Variants in FRMD6 observed in about 807,000 individuals in gnomAD.
FRMD6 encodes FERM domain containing 6, also known as FERM domain-containing protein 6.
FRMD6 carries 37 observed loss-of-function variants against 73.2 expected under a neutral mutation model. The ratio of observed to expected loss-of-function variants is 0.51; its 90% CI spans 0.39 to 0.66. FRMD6 has a LOEUF of 0.66. Ranked by LOEUF, FRMD6 falls within the 30% of genes least tolerant of loss-of-function variation. The pLI, the probability that FRMD6 is intolerant of heterozygous loss-of-function variation, is 0.00. For missense variants in FRMD6, 714 were observed against 780.5 expected (o/e 0.91, Z 1.02); for synonymous variants, 273 against 282.2 (o/e 0.97, Z 0.33).
intron 1 of FRMD6, among the ~76,000 whole-genome samples, chr14:51,663,451 A>G (rs1273059704): frequency 6.6e-6 from 1 of 152,240 alleles, no homozygotes; most frequent in Non-Finnish European, 1.5e-5. Flanking sequence ...GAATGCGATC[A>G]TGTCCTTTGA....
At chr14:51,456,421 G>C in the FRMD6 span, among the ~76,000 whole-genome samples, 1 of 152,036 alleles carries the variant, frequency 6.6e-6, no homozygotes, top group Non-Finnish European at 1.5e-5. Flanking sequence ...CTGTTCTTGT[G>C]TTAGTTTGCT....
intron 2 of FRMD6, among the ~76,000 whole-genome samples, chr14:51,645,789 T>G (rs1382454812): frequency 2.6e-5 from 4 of 152,056 alleles, no homozygotes; most frequent in African/African-American, 9.7e-5. Context: ...GATTCTTTCT[T>G]AAGCAATCAA....
At chr14:51,701,826 A>G (rs577737048) in intron 4 of FRMD6, among the ~76,000 whole-genome samples, 16 of 151,962 alleles carry the variant, frequency 1.1e-4, no homozygotes, top group African/African-American at 3.4e-4. Flanking sequence ...TTGCTGTTCT[A>G]GAAGTTATTA....
chr14:51,681,620 C>A (rs1438122880), intron 1 of FRMD6, among the ~76,000 whole-genome samples: 1 of 152,150 alleles, frequency 6.6e-6, no homozygotes, highest in Non-Finnish European at 1.5e-5. Flanking sequence ...TGCCTACTGC[C>A]ATACAGTATT....
the FRMD6 span, among the ~76,000 whole-genome samples, chr14:51,470,146 G>C: frequency 6.6e-6 from 1 of 151,950 alleles, no homozygotes; most frequent in African/African-American, 2.4e-5. Context: ...TCATTCCTTA[G>C]TGATTTGTGT....
chr14:51,611,789 T>C (rs971338627), intron 2 of FRMD6, among the ~76,000 whole-genome samples: 9 of 152,232 alleles, frequency 5.9e-5, no homozygotes, highest in African/African-American at 1.9e-4. Context: ...TTCATGCCTT[T>C]ATATGTCACT....
chr14:51,544,051 G>C (rs1278131070), intron 1 of FRMD6, among the ~76,000 whole-genome samples: 1 of 151,908 alleles, frequency 6.6e-6, no homozygotes, highest in African/African-American at 2.4e-5. Flanking sequence ...AGCTTCAACA[G>C]TTATCAAAAA....
chr14:51,540,874 C>G (rs1454242304), intron 1 of FRMD6, among the ~76,000 whole-genome samples: 1 of 151,964 alleles, frequency 6.6e-6, no homozygotes. Context: ...TTTTAAAATA[C>G]TAGGAATTCA....
intron 2 of FRMD6, 32 bp from the exon 3 acceptor site, chr14:51,698,110 G>A (rs766087637): frequency 6.5e-7 from 1 of 1,529,868 alleles, no homozygotes; most frequent in South Asian, 1.1e-5. Flanking sequence ...TAGTTGAATT[G>A]TTATTTTACG....
At chr14:51,627,500 C>G (rs1233681191) in intron 2 of FRMD6, among the ~76,000 whole-genome samples, 1 of 152,132 alleles carries the variant, frequency 6.6e-6, no homozygotes, top group Non-Finnish European at 1.5e-5. Flanking sequence ...TGAAGCAGCA[C>G]AGCCCAGAGG....
chr14:51,462,757 G>C, the FRMD6 span, among the ~76,000 whole-genome samples: 2 of 151,890 alleles, frequency 1.3e-5, no homozygotes, highest in Admixed American at 6.6e-5. Flanking sequence ...ATAAAATAAA[G>C]AGAAGGGAGG....
the FRMD6 span, among the ~76,000 whole-genome samples, chr14:51,478,916 A>T: frequency 6.6e-6 from 1 of 151,994 alleles, no homozygotes; most frequent in Non-Finnish European, 1.5e-5. Context: ...TTGTCAAAAG[A>T]AAAAAAATGT....
chr14:51,503,870 G>A (rs1337161493), intron 1 of FRMD6, among the ~76,000 whole-genome samples: 2 of 149,506 alleles, frequency 1.3e-5, no homozygotes, highest in African/African-American at 4.9e-5. Context: ...TTTTTGGGGG[G>A]GGGTTTGATA....
intron 12 of FRMD6, among the ~76,000 whole-genome samples, chr14:51,723,801 G>C (rs1333255211): frequency 6.6e-6 from 1 of 150,750 alleles, no homozygotes; most frequent in Non-Finnish European, 1.5e-5. Context: ...AAGAACAAGT[G>C]GTTAAATTAT....
chr14:51,521,924 T>A (rs868677614), intron 1 of FRMD6, among the ~76,000 whole-genome samples: 24 of 152,292 alleles, frequency 1.6e-4, no homozygotes, highest in African/African-American at 5.5e-4. Context: ...TGTGGTCACA[T>A]CTGGTTTCAG....
the FRMD6 span, among the ~76,000 whole-genome samples, chr14:51,449,943 C>T: frequency 1.3e-5 from 2 of 152,180 alleles, no homozygotes; most frequent in African/African-American, 2.4e-5. Flanking sequence ...CTGATGGCAG[C>T]GATTTCCATC....
chr14:51,715,592 G>C (rs1897194803), intron 10 of FRMD6, 93 bp downstream of exon 10: 1 of 1,101,464 alleles, frequency 9.1e-7, no homozygotes, highest in South Asian at 1.9e-5. Context: ...TACAGAATTG[G>C]ATTTTGGGAC....
At chr14:51,510,949 C>G (rs1438383141) in intron 1 of FRMD6, among the ~76,000 whole-genome samples, 2 of 152,170 alleles carry the variant, frequency 1.3e-5, no homozygotes, top group Non-Finnish European at 2.9e-5. Context: ...TCAGGGTCCA[C>G]CTGAGGCAGT....
At chr14:51,452,969 G>A in the FRMD6 span, among the ~76,000 whole-genome samples, 2 of 152,158 alleles carry the variant, frequency 1.3e-5, no homozygotes, top group Non-Finnish European at 2.9e-5. Flanking sequence ...TTGCTTCCAG[G>A]GAGAACGGAA....
Sources: allele counts gnomAD v4.1 joint callset (sites outside exome capture counted in the v4.1 genomes callset), GRCh38; gene constraint gnomAD v4.1.1; transcripts MANE v1.5; gene names NCBI Gene and HGNC (gene_info 2026-07-23, HGNC 2026-07-21).